SRPK2: variants seen among roughly 807,000 people sequenced by gnomAD.
The protein encoded by SRPK2 is SRSF protein kinase 2.
SRPK2 carries 21 observed loss-of-function variants against 90.8 expected under a neutral mutation model. That is an observed-to-expected ratio of 0.23 (90% confidence interval 0.16 to 0.33). The LOEUF (loss-of-function observed/expected upper bound fraction) is 0.33. Ranked by LOEUF, SRPK2 falls within the 10% of genes least tolerant of loss-of-function variation. The probability of loss-of-function intolerance (pLI) is 1.00; values close to 1 mark genes in which losing one functional copy is unlikely to be tolerated. For synonymous variants in SRPK2, 288 were observed against 311.1 expected (o/e 0.93, Z 0.78); for missense variants, 620 against 869.0 (o/e 0.71, Z 3.60).
At chr7:105,196,975 G>A (rs1230749451) in intron 3 of SRPK2, among the ~76,000 whole-genome samples, 5 of 152,080 alleles carry the variant, frequency 3.3e-5, no homozygotes, top group Admixed American at 6.6e-5. Flanking sequence ...GTTTGTACCC[G>A]GGAGGTAGAG....
At chr7:105,153,330 C>G (rs1049065358) in intron 7 of SRPK2, among the ~76,000 whole-genome samples, 1 of 152,206 alleles carries the variant, frequency 6.6e-6, no homozygotes, top group Non-Finnish European at 1.5e-5. Context: ...AAAGTTCCTT[C>G]TTTTCCTTGA....
chr7:105,153,668 C>T (rs1416389416), intron 7 of SRPK2, among the ~76,000 whole-genome samples: 1 of 152,054 alleles, frequency 6.6e-6, no homozygotes, highest in African/African-American at 2.4e-5. Flanking sequence ...TGGTGATAAG[C>T]GGTGGACTTT....
At chr7:105,305,786 G>GT (rs924968412) in intron 2 of SRPK2, among the ~76,000 whole-genome samples, 1 of 152,196 alleles carries the variant, frequency 6.6e-6, no homozygotes, top group Non-Finnish European at 1.5e-5. Flanking sequence ...AGAACTCAGT[G>GT]TTAACTCAAA....
chr7:105,294,295 T>C (rs1809486600), intron 2 of SRPK2, among the ~76,000 whole-genome samples: 1 of 152,252 alleles, frequency 6.6e-6, no homozygotes, highest in Admixed American at 6.5e-5. Flanking sequence ...ACATTTTGTA[T>C]TCAAATGTTA....
At chr7:105,178,306 G>C (rs937674538) in intron 3 of SRPK2, among the ~76,000 whole-genome samples, 2 of 152,004 alleles carry the variant, frequency 1.3e-5, no homozygotes, top group African/African-American at 4.8e-5. Context: ...CAATAATGAA[G>C]CCTCTGGCAC....
intron 2 of SRPK2, among the ~76,000 whole-genome samples, chr7:105,308,132 C>G: frequency 6.6e-6 from 1 of 152,168 alleles, no homozygotes; most frequent in East Asian, 1.9e-4. Context: ...TTTTGCTGCT[C>G]TACCTGGAGG....
intron 2 of SRPK2, among the ~76,000 whole-genome samples, chr7:105,236,285 C>A (rs140916670): frequency 1.4e-4 from 21 of 152,312 alleles, no homozygotes; most frequent in African/African-American, 5.1e-4. Context: ...TAAAATATCA[C>A]TGACAGCATT....
intron 2 of SRPK2, among the ~76,000 whole-genome samples, chr7:105,291,559 T>C (rs530543715): frequency 5.8e-4 from 88 of 152,004 alleles, no homozygotes; most frequent in Non-Finnish European, 1.0e-3. Context: ...TGAAACCCCA[T>C]CTCTACTAAA....
intron 3 of SRPK2, among the ~76,000 whole-genome samples, chr7:105,187,882 AAAAT>A (rs1190469681): frequency 6.6e-6 from 1 of 152,210 alleles, no homozygotes; most frequent in East Asian, 1.9e-4. Flanking sequence ...AGTCACAAGA[AAAAT>A]AAACATAAAA....
At chr7:105,187,026 C>T (rs778723379) in intron 3 of SRPK2, among the ~76,000 whole-genome samples, 4 of 152,142 alleles carry the variant, frequency 2.6e-5, no homozygotes, top group Non-Finnish European at 5.9e-5. Flanking sequence ...CCCCAGATAC[C>T]GTGAAGCAAT....
At chr7:105,231,222 A>G (rs1487629700) in intron 2 of SRPK2, among the ~76,000 whole-genome samples, 1 of 152,194 alleles carries the variant, frequency 6.6e-6, no homozygotes, top group Non-Finnish European at 1.5e-5. Context: ...CCTAAGGGTA[A>G]TAGCCTCCAG....
chr7:105,293,547 G>A (rs1809362384), intron 2 of SRPK2, among the ~76,000 whole-genome samples: 1 of 151,416 alleles, frequency 6.6e-6, no homozygotes, highest in Admixed American at 6.6e-5. Flanking sequence ...AGCCTCCTGA[G>A]TAGCTGGGAC....
chr7:105,284,819 G>A (rs1156939437), intron 2 of SRPK2, among the ~76,000 whole-genome samples: 1 of 152,138 alleles, frequency 6.6e-6, no homozygotes, highest in African/African-American at 2.4e-5. Flanking sequence ...ATATTATGAA[G>A]TACCACAAAC....
chr7:105,285,613 G>A (rs566012562), intron 2 of SRPK2, among the ~76,000 whole-genome samples: 4 of 152,216 alleles, frequency 2.6e-5, no homozygotes, highest in African/African-American at 7.2e-5. Flanking sequence ...GATGGATCCC[G>A]CATGAATGGC....
At chr7:105,314,188 C>T (rs370415733) in intron 2 of SRPK2, among the ~76,000 whole-genome samples, 5 of 151,744 alleles carry the variant, frequency 3.3e-5, no homozygotes, top group African/African-American at 7.2e-5. Flanking sequence ...AAAAATTAAC[C>T]GGGGGTCATA....
intron 3 of SRPK2, among the ~76,000 whole-genome samples, chr7:105,179,809 A>G (rs1792504925): frequency 1.5e-5 from 2 of 136,742 alleles, no homozygotes; most frequent in Admixed American, 1.6e-4. Flanking sequence ...TGGGCAACAC[A>G]GTAAGAGTCC....
chr7:105,235,556 C>A (rs2129621064), intron 2 of SRPK2, among the ~76,000 whole-genome samples: 1 of 152,250 alleles, frequency 6.6e-6, no homozygotes, highest in East Asian at 1.9e-4. Context: ...ACTACTCATT[C>A]TCGTTCATGT....
At chr7:105,163,512 C>T (rs946876099) in intron 6 of SRPK2, among the ~76,000 whole-genome samples, 7 of 151,928 alleles carry the variant, frequency 4.6e-5, no homozygotes, top group Non-Finnish European at 8.8e-5. Context: ...AAAAAGTTTG[C>T]GGCCGGGCAT....
chr7:105,219,576 C>T (rs974662106), intron 2 of SRPK2, among the ~76,000 whole-genome samples: 8 of 152,200 alleles, frequency 5.3e-5, no homozygotes, highest in African/African-American at 1.2e-4. Context: ...CTAAGTATGA[C>T]GTTAGCTATG....
Sources: gnomAD v4.1 joint callset for allele counts (sites outside exome capture counted in the v4.1 genomes callset) on GRCh38, gnomAD v4.1.1 for gene constraint, MANE v1.5 for transcripts, NCBI Gene and HGNC (gene_info 2026-07-23, HGNC 2026-07-21) for gene names.